The following ZNF787 variants were observed in gnomAD, a reference collection of about 807,000 sequenced individuals.
ZNF787 encodes zinc finger protein 787.
In ZNF787, 7 loss-of-function variants were observed where a neutral mutation model predicts 16.9. The ratio of observed to expected loss-of-function variants is 0.42; its 90% CI spans 0.24 to 0.78. ZNF787 has a LOEUF of 0.78. ZNF787 is among the 30% of genes least tolerant of loss of function. ZNF787 has a pLI of 0.30. For synonymous variants in ZNF787, 345 were observed against 270.9 expected (o/e 1.27, Z -2.69); for missense variants, 551 against 589.3 (o/e 0.94, Z 0.67).
intron 1 of ZNF787, among the ~76,000 whole-genome samples, chr19:56,112,131 G>A (rs1008848144): frequency 1.3e-5 from 2 of 152,168 alleles, no homozygotes; most frequent in Non-Finnish European, 2.9e-5. Flanking sequence ...AGAGGCGGGG[G>A]CACCAGGAGC....
chr19:56,118,020 G>T (rs506547), intron 1 of ZNF787, among the ~76,000 whole-genome samples: 144,707 of 152,328 alleles, frequency 0.95, 69,397 homozygotes, highest in African/African-American at 0.99. Flanking sequence ...CCAGGAAAAC[G>T]TCACGAAAAA....
At chr19:56,094,386 C>A (rs1985789183) in intron 2 of ZNF787, among the ~76,000 whole-genome samples, 2 of 151,664 alleles carry the variant, frequency 1.3e-5, no homozygotes, top group Non-Finnish European at 2.9e-5. Context: ...GTTGGCCAGG[C>A]TGGTCTCAAA....
At chr19:56,094,791 T>C (rs951016471) in intron 2 of ZNF787, among the ~76,000 whole-genome samples, 1 of 152,036 alleles carries the variant, frequency 6.6e-6, no homozygotes, top group Non-Finnish European at 1.5e-5. Flanking sequence ...GATGAAACTG[T>C]TCCACTTCAG....
At chr19:56,105,958 G>A (rs1986291349) in intron 1 of ZNF787, among the ~76,000 whole-genome samples, 1 of 112,748 alleles carries the variant, frequency 8.9e-6, no homozygotes, top group Non-Finnish European at 1.8e-5. Flanking sequence ...TCCCCCCTCC[G>A]CGCCCACGGC....
At chr19:56,092,402 A>T (rs370851824) in intron 2 of ZNF787, among the ~76,000 whole-genome samples, 10 of 152,274 alleles carry the variant, frequency 6.6e-5, no homozygotes, top group African/African-American at 2.4e-4. Context: ...CCTCCACTCC[A>T]GATCCCCTAC....
At chr19:56,098,999 C>T (rs1235517750) in intron 2 of ZNF787, among the ~76,000 whole-genome samples, 1 of 152,184 alleles carries the variant, frequency 6.6e-6, no homozygotes, top group African/African-American at 2.4e-5. Flanking sequence ...GTGGCCAGGA[C>T]GTCACAGCAA....
chr19:56,091,298 T>G (rs1985564452), intron 2 of ZNF787, among the ~76,000 whole-genome samples: 1 of 152,090 alleles, frequency 6.6e-6, no homozygotes, highest in Non-Finnish European at 1.5e-5. Flanking sequence ...TTCGAAGCTG[T>G]GAAGAAAGAA....
In ZNF787 at chr19:56,088,905, G is replaced by A; in HGVS notation, c.267C>T (p.Thr89=). ...CGGCGCAGGCGTTGGGCCGCTCGCC[G>A]GTGTGCGTGCGCTGGTGCCGCGTCA... ...SKLTRHQRTH[T]GERPNACADC... Residue 89 remains threonine, a synonymous_variant, in exon 3 of 3, where the codon ACC becomes ACT. Transcript: ENST00000610935. This position sits in a 1 kb window ranked among gnomAD's most constrained non-coding sequence, Gnocchi z 8.6. 1.3e-6 allele frequency: 2 copies of A among 1,599,750 alleles called. No homozygotes were observed. The highest frequency in any genetic ancestry group is 1.3e-5 in the African/African-American group (1 of 74,250).
At chr19:56,094,280 C>T (rs1985784764) in intron 2 of ZNF787, among the ~76,000 whole-genome samples, 2 of 151,666 alleles carry the variant, frequency 1.3e-5, no homozygotes, top group South Asian at 2.1e-4. Flanking sequence ...GATCCACCCG[C>T]CTTGGCCTCC....
At chr19:56,105,898 G>A (rs1986286147) in intron 1 of ZNF787, among the ~76,000 whole-genome samples, 1 of 144,032 alleles carries the variant, frequency 6.9e-6, no homozygotes, top group Admixed American at 6.9e-5. Flanking sequence ...CCGCGCCCAC[G>A]GCAGTCACCG....
chr19:56,090,344 A>T (rs1460222216), intron 2 of ZNF787, among the ~76,000 whole-genome samples: 1 of 152,146 alleles, frequency 6.6e-6, no homozygotes, highest in Non-Finnish European at 1.5e-5. Context: ...ACACGACTAC[A>T]AAGTGGCAAT....
At chr19:56,102,779 T>TCATA (rs1986149596) in intron 2 of ZNF787, 10 of 621,940 alleles carry the variant, frequency 1.6e-5, no homozygotes, top group Admixed American at 7.8e-5. Context: ...CCGCCTGGAA[T>TCATA]CATAGCAGAG....
At chr19:56,089,402 C>T (rs75898725) in intron 2 of ZNF787, among the ~76,000 whole-genome samples, 17,084 of 152,112 alleles carry the variant, frequency 0.11, 1,281 homozygotes, top group East Asian at 0.32. Context: ...GCGGGATCCA[C>T]GGAAGGCTCC....
chr19:56,089,167 GCCTCGGGTGCCTCGCTCC>G (rs1471372912), intron 2 of ZNF787, 75 bp from the exon 3 acceptor site: 8 of 1,119,602 alleles, frequency 7.1e-6, no homozygotes, highest in Non-Finnish European at 9.6e-6. Context: ...TGCTACGCTG[GCCTCGGGTGCCTCGCTCC>G]CCCTGGCGCA....
chr19:56,118,752 G>T (rs2030207253), intron 1 of ZNF787, among the ~76,000 whole-genome samples: 1 of 152,192 alleles, frequency 6.6e-6, no homozygotes, highest in Non-Finnish European at 1.5e-5. Context: ...ATGCACCAGA[G>T]GACACACGAA....
intron 1 of ZNF787, among the ~76,000 whole-genome samples, chr19:56,110,490 T>C (rs1389786136): frequency 6.7e-6 from 1 of 150,114 alleles, no homozygotes; most frequent in Admixed American, 6.7e-5. Context: ...ACATTAAAAA[T>C]GCGTAAGACT....
At chr19:56,117,692 C>T (rs1042190450) in intron 1 of ZNF787, among the ~76,000 whole-genome samples, 7 of 152,250 alleles carry the variant, frequency 4.6e-5, no homozygotes, top group African/African-American at 1.7e-4. Context: ...CTGTGTCTTA[C>T]TCCGTGTCTT....
At chr19:56,095,575 T>A (rs1599943435) in intron 2 of ZNF787, among the ~76,000 whole-genome samples, 1 of 152,166 alleles carries the variant, frequency 6.6e-6, no homozygotes, top group Admixed American at 6.5e-5. Flanking sequence ...ATGCACACAC[T>A]CCAGCCGCTG....
intron 1 of ZNF787, among the ~76,000 whole-genome samples, chr19:56,116,074 G>C (rs1416604203): frequency 6.6e-6 from 1 of 152,030 alleles, no homozygotes; most frequent in South Asian, 2.1e-4. Flanking sequence ...GTCGGGGGAG[G>C]GTGCAGGCGG....
Sources: allele counts gnomAD v4.1 joint callset (sites outside exome capture counted in the v4.1 genomes callset), GRCh38; gene constraint gnomAD v4.1.1; non-coding constraint Gnocchi (gnomAD v3.1); transcripts MANE v1.5; gene names NCBI Gene and HGNC (gene_info 2026-07-23, HGNC 2026-07-21).